Variants in CLECL1 observed in about 807,000 individuals in gnomAD.
CLECL1 encodes the protein C-type lectin-like domain family 1.
At chr12:9,719,217 T>C (rs1866277552), downstream of CLECL1, among the ~76,000 whole-genome samples, 1 of 152,138 alleles carries the variant, frequency 6.6e-6, no homozygotes, top group African/African-American at 2.4e-5. Context: ...GGAGGAACCC[T>C]TGAGACCAGG....
chr12:9,720,527 A>T (rs772641075), downstream of CLECL1, among the ~76,000 whole-genome samples: 58 of 152,166 alleles, frequency 3.8e-4, no homozygotes, highest in African/African-American at 1.3e-3. Context: ...TTTTTAGTAG[A>T]GACGGGGTTT....
chr12:9,720,391 G>C (rs1190765862), downstream of CLECL1, among the ~76,000 whole-genome samples: 2 of 150,180 alleles, frequency 1.3e-5, no homozygotes. Context: ...GCCCAGGCTG[G>C]AGTGCGGTGG....
At chr12:9,715,635 T>C (rs1866230427), downstream of CLECL1, among the ~76,000 whole-genome samples, 2 of 152,194 alleles carry the variant, frequency 1.3e-5, no homozygotes, top group African/African-American at 4.8e-5. Context: ...CACACAGGTC[T>C]AGCTCTCATT....
rs78911514 is a variant in CLECL1 at position 9,716,370 on chromosome 12, A to T, written n.559T>A. On this transcript the variant is annotated non_coding_transcript_exon_variant, in exon 3 of 3. Coordinates refer to the CLECL1 transcript ENST00000540988. ...TTGGTCATCTCCATTTATCCCACTG[A>T]TTCATTTTTCTTTTATCTGCTATCA... 1,064 of 154,242 alleles carry T rather than the reference A, an allele frequency of 6.9e-3. 17 individuals carry two copies. The highest frequency in any genetic ancestry group is 0.024 in the African/African-American group (1,009 of 41,486). 9.6% of individuals were successfully genotyped at this position (154,242 alleles called of 1,614,324 possible).
the CLECL1 span, among the ~76,000 whole-genome samples, chr12:9,702,376 T>C: frequency 6.6e-6 from 1 of 152,314 alleles, no homozygotes; most frequent in East Asian, 1.9e-4. Flanking sequence ...GCTTCTTCTT[T>C]TCTTTCTTTC....
chr12:9,726,250 AAAG>A (rs1866378216), intron 3 of CLECL1, among the ~76,000 whole-genome samples: 1 of 107,000 alleles, frequency 9.3e-6, no homozygotes, highest in African/African-American at 3.8e-5. Flanking sequence ...TTAAGAAATA[AAAG>A]AAGAAATAAA....
chr12:9,717,266 T>C (rs755941759), intron 2 of CLECL1, among the ~76,000 whole-genome samples: 4 of 152,146 alleles, frequency 2.6e-5, no homozygotes, highest in Non-Finnish European at 5.9e-5. Flanking sequence ...AAAACTTAGC[T>C]GGGCGTTGTG....
intron 3 of CLECL1, 110 bp from the exon 2 acceptor site, chr12:9,722,923 G>GA: frequency 1.4e-6 from 1 of 705,132 alleles, no homozygotes; most frequent in Non-Finnish European, 2.2e-6. Flanking sequence ...AGCTTTCTTT[G>GA]AAAAAAGTAT....
chr12:9,708,006 G>A, the CLECL1 span, among the ~76,000 whole-genome samples: 10 of 152,224 alleles, frequency 6.6e-5, no homozygotes, highest in Non-Finnish European at 1.2e-4. Context: ...GGCACCTCCC[G>A]TTACCCTTTT....
At chr12:9,709,195 T>G in the CLECL1 span, 1 of 152,522 alleles carries the variant, frequency 6.6e-6, no homozygotes, top group Non-Finnish European at 1.5e-5. Context: ...GCCCTCCTGT[T>G]TGCCATCTTA....
downstream of CLECL1, among the ~76,000 whole-genome samples, chr12:9,712,779 TTC>T (rs1565479123): frequency 6.6e-6 from 1 of 152,188 alleles, no homozygotes; most frequent in African/African-American, 2.4e-5. Flanking sequence ...TTTTGCCAAC[TTC>T]TTTTTTTAAT....
the CLECL1 span, among the ~76,000 whole-genome samples, chr12:9,709,787 TA>T: frequency 1.3e-5 from 2 of 152,308 alleles, no homozygotes; most frequent in South Asian, 4.1e-4. Context: ...AGTGGAAGGC[TA>T]GTATAAATTT....
At chr12:9,705,096 T>C in the CLECL1 span, among the ~76,000 whole-genome samples, 21 of 152,220 alleles carry the variant, frequency 1.4e-4, no homozygotes, top group African/African-American at 4.8e-4. Context: ...TTTTTAATAA[T>C]AGCCATCTGA....
intron 3 of CLECL1, among the ~76,000 whole-genome samples, chr12:9,726,677 T>A (rs1258384831): frequency 6.6e-6 from 1 of 151,976 alleles, no homozygotes; most frequent in Non-Finnish European, 1.5e-5. Flanking sequence ...CAATTGAAAG[T>A]AGAACCTTAG....
chr12:9,732,803 AC>A, intron 1 of CLECL1, 145 bp downstream of exon 1: 1 of 597,696 alleles, frequency 1.7e-6, no homozygotes, highest in Non-Finnish European at 2.7e-6. Flanking sequence ...TTCATTAAAA[AC>A]ATTCGCTCTT....
At chr12:9,708,187 G>C in the CLECL1 span, among the ~76,000 whole-genome samples, 1 of 152,186 alleles carries the variant, frequency 6.6e-6, no homozygotes, top group East Asian at 1.9e-4. Flanking sequence ...AATCTGGTCT[G>C]AACTGGGGGA....
chr12:9,730,951 G>A (rs972847114), intron 1 of CLECL1, among the ~76,000 whole-genome samples: 2 of 152,174 alleles, frequency 1.3e-5, no homozygotes, highest in African/African-American at 2.4e-5. Flanking sequence ...ATCCCAAAGT[G>A]TTGGGATTAC....
exon 3 of CLECL1, chr12:9,716,757 T>G: frequency 7.8e-7 from 1 of 1,278,604 alleles, no homozygotes; most frequent in Non-Finnish European, 1.0e-6. Context: ...TATATGCATA[T>G]GTCAAAAAAG....
At chr12:9,733,761 G>A (rs181244812), upstream of CLECL1, among the ~76,000 whole-genome samples, 474 of 152,070 alleles carry the variant, frequency 3.1e-3, no homozygotes, top group Middle Eastern at 6.8e-3. Flanking sequence ...ATTTACTATC[G>A]AATACAACAT....
Sources: gnomAD v4.1 joint callset for allele counts (sites outside exome capture counted in the v4.1 genomes callset) on GRCh38, gnomAD v4.1.1 for gene constraint, MANE v1.5 for transcripts, NCBI Gene and HGNC (gene_info 2026-07-23, HGNC 2026-07-21) for gene names.